EIF2S2: variants seen among roughly 807,000 people sequenced by gnomAD.
EIF2S2 encodes eukaryotic translation initiation factor 2 subunit beta, also known as eukaryotic translation initiation factor 2 subunit 2.
EIF2S2 carries 4 observed loss-of-function variants against 44.0 expected under a neutral mutation model. The ratio of observed to expected loss-of-function variants is 0.09; its 90% CI spans 0.04 to 0.21. The LOEUF (loss-of-function observed/expected upper bound fraction) is 0.21, where lower values mean the gene tolerates loss of function less well. EIF2S2 is among the 10% of genes least tolerant of loss of function. EIF2S2 has a pLI of 1.00. For synonymous variants in EIF2S2, 108 were observed against 128.3 expected (o/e 0.84, Z 1.07); for missense variants, 154 against 392.0 (o/e 0.39, Z 5.13).
chr20:34,098,631 A>T lies in EIF2S2; in HGVS notation c.300T>A (p.Asp100Glu). The change falls in exon 4 of 9, where the codon GAT becomes GAA. Residue 100 changes from aspartate (D) to glutamate (E), a missense_variant and splice_region_variant. Transcript: ENST00000374980. The stretch of plus-strand genomic sequence containing the variant: ...CTTGAACATCACTTTCAATCTTAAG[A>T]TCCTAAGAAAGTGAGATGAGTCTGA... ...DIDEAEEGVKDLKIESDVQEP... is the reference protein window; with the variant it reads ...DIDEAEEGVKELKIESDVQEP... 1 of 1,613,536 alleles carries T rather than the reference A, an allele frequency of 6.2e-7. No individual in the cohort carries two copies.
intron 6 of EIF2S2, among the ~76,000 whole-genome samples, 177 bp from the exon 7 acceptor site, chr20:34,093,908 T>G (rs529553736): frequency 1.3e-5 from 2 of 152,342 alleles, no homozygotes; most frequent in African/African-American, 4.8e-5. Flanking sequence ...TTTTTATTGT[T>G]AAGAGACAGG....
intron 1 of EIF2S2, among the ~76,000 whole-genome samples, 179 bp from the exon 2 acceptor site, chr20:34,105,724 T>C (rs1175033603): frequency 6.6e-6 from 1 of 152,166 alleles, no homozygotes; most frequent in Non-Finnish European, 1.5e-5. Flanking sequence ...CTTGTTACTA[T>C]TAAACATCAG....
At chr20:34,111,917 GCTGCGGCCAAGC>G (rs2034417950) in intron 1 of EIF2S2, among the ~76,000 whole-genome samples, 167 bp downstream of exon 1, 1 of 152,252 alleles carries the variant, frequency 6.6e-6, no homozygotes, top group African/African-American at 2.4e-5. Context: ...AGGAAAGCGG[GCTGCGGCCAAGC>G]CTGCGGCTCC....
At position 34,112,132 on chromosome 20, in the gene EIF2S2, G is replaced by A; in HGVS notation, c.-22C>T. Reference sequence around the variant, plus strand: ...ACATGGCTGCGGCTCGAGTGGGCTCGGCACGGACGGGAAGTCAGACGGGTC... The same window carrying A: ...ACATGGCTGCGGCTCGAGTGGGCTCAGCACGGACGGGAAGTCAGACGGGTC... On this transcript the variant is annotated 5_prime_UTR_variant, in exon 1 of 9. Transcript: ENST00000374980. 2 of 1,540,132 alleles carry A rather than the reference G, an allele frequency of 1.3e-6. No individual in the cohort carries two copies. The highest frequency in any genetic ancestry group is 2.0e-5 in the Admixed American group (1 of 50,436).
At chr20:34,108,328 C>G (rs1260340917) in intron 1 of EIF2S2, 1 of 152,170 alleles carries the variant, frequency 6.6e-6, no homozygotes, top group Admixed American at 6.5e-5. Context: ...TAACATCTCT[C>G]TCAATTACTG....
intron 3 of EIF2S2, among the ~76,000 whole-genome samples, chr20:34,101,125 G>T (rs1378924888): frequency 6.6e-6 from 1 of 152,170 alleles, no homozygotes; most frequent in Non-Finnish European, 1.5e-5. Context: ...CAGTTGTGTA[G>T]TCTTAGTGCC....
chr20:34,106,320 A>T (rs1418382920), intron 1 of EIF2S2, among the ~76,000 whole-genome samples: 2 of 152,190 alleles, frequency 1.3e-5, no homozygotes, highest in South Asian at 4.1e-4. Flanking sequence ...TTTTTTAACT[A>T]CAAATCTTCA....
Position 34,088,953 on chromosome 20 carries a change from C to T in EIF2S2, c.*777G>A, listed in dbSNP as rs1304966219. 3 of 152,556 alleles carry T rather than the reference C, an allele frequency of 2.0e-5. No individual in the cohort carries two copies. Among genetic ancestry groups the T allele is most frequent in the Admixed American group, 1.3e-4 (2 of 15,280 alleles). 9.5% of individuals were successfully genotyped at this position (152,556 alleles called of 1,614,324 possible). A position where few individuals can be genotyped will look rare whatever the true frequency, so the allele number is the denominator to read the frequency against. ...CCTCTTGGAGGAGTTTCCTGAACCG[C>T]ACACACATCGCTTCCTCACCAAGAG... is the stretch of plus-strand genomic sequence containing the variant. On this transcript the variant is annotated 3_prime_UTR_variant, in exon 9 of 9. Coordinates refer to ENST00000374980, the MANE Select transcript of EIF2S2 (RefSeq NM_003908.5).
chr20:34,106,252 CTT>C, intron 1 of EIF2S2, among the ~76,000 whole-genome samples: 1 of 151,994 alleles, frequency 6.6e-6, no homozygotes, highest in East Asian at 1.9e-4. Context: ...AGGCTGGTAA[CTT>C]GGGGCTGTTA....
chr20:34,091,897 C>T (rs1223684091), intron 7 of EIF2S2, among the ~76,000 whole-genome samples: 4 of 150,898 alleles, frequency 2.7e-5, no homozygotes, highest in Non-Finnish European at 4.4e-5. Context: ...AATTTGTAAG[C>T]TGTTATCTCA....
At position 34,105,468 on chromosome 20, in the gene EIF2S2, G is replaced by C; in HGVS notation, c.93C>G (p.Thr31=). ...KPFMLDEEGD[T]QTEETQPSET... is the part of the protein sequence containing the mutation. Reference sequence around the variant, plus strand: ...CTGAAGGCTGGGTTTCCTCTGTTTGGGTATCCCCTTCCTCATCTAACATAA... The same window carrying C: ...CTGAAGGCTGGGTTTCCTCTGTTTGCGTATCCCCTTCCTCATCTAACATAA... Residue 31 remains threonine (T), a synonymous_variant, in exon 2 of 9, where the codon ACC becomes ACG. Coordinates refer to ENST00000374980, the MANE Select transcript of EIF2S2 (RefSeq NM_003908.5). 6.2e-7 allele frequency: 1 copy of C among 1,613,726 alleles called. No individual in the cohort carries two copies. Among genetic ancestry groups the C allele is most frequent in the Non-Finnish European group, 8.5e-7 (1 of 1,179,888 alleles).
chr20:34,108,407 A>G (rs956020526), intron 1 of EIF2S2: 3 of 152,206 alleles, frequency 2.0e-5, no homozygotes, highest in African/African-American at 7.2e-5. Context: ...ACAGTTTACA[A>G]ATAAGGACCA....
intron 3 of EIF2S2, among the ~76,000 whole-genome samples, chr20:34,099,135 C>T (rs371872682): frequency 1.7e-4 from 26 of 152,110 alleles, no homozygotes; most frequent in South Asian, 8.3e-4. Context: ...TTTGGGACGT[C>T]GAGGCAGGTG....
intron 3 of EIF2S2, among the ~76,000 whole-genome samples, chr20:34,099,004 A>C (rs1197482266): frequency 6.6e-6 from 1 of 152,200 alleles, no homozygotes; most frequent in Non-Finnish European, 1.5e-5. Flanking sequence ...TTTCCCCCTC[A>C]TTCATCTCTT....
intron 1 of EIF2S2, among the ~76,000 whole-genome samples, chr20:34,111,474 G>A (rs2034411128): frequency 6.6e-6 from 1 of 152,186 alleles, no homozygotes; most frequent in Non-Finnish European, 1.5e-5. Flanking sequence ...TCACGTCGCC[G>A]GTAGCCCTCT....
rs1157060729 is a variant in EIF2S2 at position 34,089,220 on chromosome 20, C to G, written c.*510G>C. ...CTGAAAACAGGCAATCCTCCTAAGT[C>G]TCAAGGTCCCACCACACTCGCGTGG... On this transcript the variant is annotated 3_prime_UTR_variant, in exon 9 of 9. Transcript: ENST00000374980. The G allele has an allele frequency of 9.6e-6, 1 of 104,464 alleles. No homozygotes were observed. The highest frequency in any genetic ancestry group is 4.3e-4 in the East Asian group (1 of 2,348). 6.5% of individuals were successfully genotyped at this position (104,464 alleles called of 1,614,324 possible).
intron 1 of EIF2S2, among the ~76,000 whole-genome samples, chr20:34,109,177 T>G (rs1177478570): frequency 6.6e-6 from 1 of 152,186 alleles, no homozygotes; most frequent in Non-Finnish European, 1.5e-5. Context: ...TCAAATACTT[T>G]TTTTTTTAAT....
chr20:34,092,163 T>C (rs540860242), intron 7 of EIF2S2, among the ~76,000 whole-genome samples: 4 of 152,314 alleles, frequency 2.6e-5, no homozygotes, highest in Admixed American at 6.5e-5. Context: ...ATGCTTGATG[T>C]AGAAATTCTT....
At position 34,088,502 on chromosome 20, in the gene EIF2S2, T is replaced by A. The variant is rs1449363487; in HGVS notation, c.*1228A>T. On this transcript the variant is annotated 3_prime_UTR_variant, in exon 9 of 9. Coordinates refer to ENST00000374980, the MANE Select transcript of EIF2S2 (RefSeq NM_003908.5). ...GCTTTACCCATCACCCTCCACTGTT[T>A]TAGCCAAGGTGTTTGACAACACTTG... 1 of 152,692 alleles carries A rather than the reference T, an allele frequency of 6.5e-6. No homozygotes were observed. The highest frequency in any genetic ancestry group is 1.5e-5 in the Non-Finnish European group (1 of 68,056). The allele number at this position is 152,692 out of a possible 1,614,324, so 9.5% of individuals were successfully genotyped here.
Sources: allele counts gnomAD v4.1 joint callset (sites outside exome capture counted in the v4.1 genomes callset), GRCh38; gene constraint gnomAD v4.1.1; transcripts MANE v1.5; gene names NCBI Gene and HGNC (gene_info 2026-07-23, HGNC 2026-07-21).